The following PRODH2 variants were observed in gnomAD, a reference collection of about 807,000 sequenced individuals.
PRODH2 encodes the protein proline dehydrogenase 2, also known as hydroxyproline dehydrogenase.
In PRODH2, 49 loss-of-function variants were observed where a neutral mutation model predicts 51.9. The ratio of observed to expected loss-of-function variants is 0.94; its 90% confidence interval spans 0.75 to 1.20. The LOEUF is 1.20. PRODH2 is among the 50% of genes most tolerant of loss of function. The pLI is 0.00. For synonymous variants in PRODH2, 249 were observed against 260.7 expected, an observed-to-expected ratio of 0.96 and a Z score of 0.43; for missense variants, 597 against 610.9, an observed-to-expected ratio of 0.98 and a Z score of 0.24.
In PRODH2 at chr19:35,812,364, T is replaced by A. The variant is rs936500292; in HGVS notation, c.367A>T (p.Ser123Cys). The A allele has an allele frequency of 8.1e-6, 13 of 1,612,274 alleles. No homozygotes were observed. Among genetic ancestry groups the A allele is most frequent in the Non-Finnish European group, 1.1e-5 (13 of 1,178,658 alleles). The part of the protein sequence containing the change: ...TEEEPDSAAK[S>C]GEAWYEGNLG... ...GGGCCCTGGCTCCCTACTCACCCAC[T>A]CTTGGCAGCAGAGTCCGGCTCCTCC... Residue 123 changes from serine to cysteine, a missense_variant, in exon 2 of 10, where the codon AGT becomes TGT. Transcript: ENST00000653904.
chr19:35,802,324 G>C, intron 8 of PRODH2, 48 bp from the exon 9 acceptor site: 1 of 1,567,434 alleles, frequency 6.4e-7, no homozygotes, highest in Non-Finnish European at 8.8e-7. Flanking sequence ...TGCATCTACA[G>C]CTTAAAGTCA....
intron 7 of PRODH2, among the ~76,000 whole-genome samples, chr19:35,804,553 A>T (rs910599809): frequency 6.6e-6 from 1 of 152,234 alleles, no homozygotes; most frequent in African/African-American, 2.4e-5. Context: ...CAGGTCACAC[A>T]GCTAGAGGTG....
rs779068611 is a variant in PRODH2 at position 35,806,794 on chromosome 19, C to T, written c.715G>A (p.Ala239Thr). ...GCAGGGTTCAGTGAGGTGTACTCCG[C>T]ATCCACCAGGAGCCGCACGTGCTGG... Reference protein sequence around the residue: ...RAQHVRLLVDAEYTSLNPALS... With the variant: ...RAQHVRLLVDTEYTSLNPALS... Residue 239 changes from alanine to threonine, a missense_variant, in exon 6 of 10, where the codon GCG (alanine) becomes ACG (threonine). By Grantham distance (58) the Ala-to-Thr change is moderately conservative. Transcript: ENST00000653904. 1 of 1,612,122 alleles carries T rather than the reference C, an allele frequency of 6.2e-7. No individual in the cohort carries two copies. The highest frequency in any genetic ancestry group is 8.5e-7 in the Non-Finnish European group (1 of 1,179,272).
Position 35,806,714 on chromosome 19 carries a change from G to A in PRODH2, c.795C>T (p.Gly265=), listed in dbSNP as rs146318335. ...LAVRWNSPGE[G]GPWVWNTYQA... ...GGTAGGTGTTCCACACCCAGGGCCCGCCTTCACCCGGGCTGTTCCAGCGCA... is the reference window on the plus strand; with the variant it reads ...GGTAGGTGTTCCACACCCAGGGCCCACCTTCACCCGGGCTGTTCCAGCGCA... The change falls in exon 6 of 10, where the codon GGC becomes GGT. Residue 265 remains glycine (G), a synonymous_variant. Transcript: ENST00000653904. 417 of 1,614,114 alleles carry A rather than the reference G, an allele frequency of 2.6e-4. 2 individuals are homozygous for A. In the African/African-American group the frequency reaches 4.4e-3, roughly 17 times the overall value.
intron 7 of PRODH2, among the ~76,000 whole-genome samples, chr19:35,805,882 C>A (rs967858348): frequency 3.9e-5 from 6 of 152,070 alleles, no homozygotes; most frequent in Admixed American, 3.9e-4. Flanking sequence ...AGGGATGGGG[C>A]CATGCCACTG....
At chr19:35,807,254 C>A (rs772455705) in intron 4 of PRODH2, 133 bp from the exon 5 acceptor site, 3 of 833,382 alleles carry the variant, frequency 3.6e-6, no homozygotes, top group Middle Eastern at 2.6e-4. Flanking sequence ...GGCTTCACCA[C>A]CTACTGTGTG....
At chr19:35,809,795 C>T (rs1972572078) in intron 4 of PRODH2, among the ~76,000 whole-genome samples, 1 of 145,598 alleles carries the variant, frequency 6.9e-6, no homozygotes, top group South Asian at 2.1e-4. Flanking sequence ...CCCATCTCTA[C>T]TAAAAATACA....
rs371889697 is a variant in PRODH2 at position 35,812,554 on chromosome 19, G to T, written c.177C>A (p.Leu59=). The change falls in exon 2 of 10, where the codon CTC becomes CTA. Residue 59 remains leucine (L), a splice_region_variant and synonymous_variant. Coordinates refer to ENST00000653904, the MANE Select transcript of PRODH2 (RefSeq NM_021232.2). ...WPPLVTHGLL[L]QAWSRRLLGS... ...CCAGGAGTCGCCGAGACCAGGCCTG[G>T]AGCTGGGTGACAGGGAGCGAGGGCT... The T allele has an allele frequency of 1.9e-6, 3 of 1,613,374 alleles. No homozygotes were observed. The highest frequency in any genetic ancestry group is 3.3e-5 in the Admixed American group (2 of 59,966).
In PRODH2 at chr19:35,806,170, T is replaced by C. The variant is rs1167566376; in HGVS notation, c.1001+260A>G. On this transcript the variant is annotated intron_variant, in intron 7 of 9. Coordinates refer to ENST00000653904, the MANE Select transcript of PRODH2 (RefSeq NM_021232.2). Reference sequence around the variant, plus strand: ...GTGCAGTCATGGCTCACTGCAGCCTTGAACTCCTGGCCTCAAGTGATCCTC... The same window carrying C: ...GTGCAGTCATGGCTCACTGCAGCCTCGAACTCCTGGCCTCAAGTGATCCTC... Among the ~76,000 whole-genome samples the C allele has an allele frequency of 7.2e-5, 11 of 152,046 alleles. 1 individual carries two copies. The highest frequency in any genetic ancestry group is 7.2e-4 in the Admixed American group (11 of 15,244).
intron 9 of PRODH2, chr19:35,801,898 G>T (rs888379194): frequency 1.3e-5 from 5 of 376,906 alleles, no homozygotes; most frequent in African/African-American, 2.0e-5. Context: ...AAGTGATTTC[G>T]TTCTGCTTAG....
Position 35,810,468 on chromosome 19 carries a change from G to A in PRODH2, c.597+1494C>T, listed in dbSNP as rs578064216. Among the ~76,000 whole-genome samples the A allele has an allele frequency of 2.1e-3, 317 of 151,718 alleles. 1 individual carries two copies. The highest frequency in any genetic ancestry group is 3.7e-3 in the Non-Finnish European group (251 of 67,948). ...TCAACTATTGGAAACAGTGGGGGCC[G>A]GGCATGGTGGCTCAGCCCATAATCC... On this transcript the variant is annotated intron_variant, in intron 4 of 9. Coordinates refer to ENST00000653904, the MANE Select transcript of PRODH2 (RefSeq NM_021232.2).
Position 35,800,116 on chromosome 19 carries a change from AC to A in PRODH2, c.1304del (p.Gly435ValfsTer?). 1 of 1,610,062 alleles carries A rather than the reference AC, an allele frequency of 6.2e-7. No homozygotes were observed. Among genetic ancestry groups the A allele is most frequent in the South Asian group, 1.1e-5 (1 of 90,196 alleles). On this transcript the variant is annotated frameshift_variant, in exon 10 of 10. Coordinates refer to ENST00000653904, the MANE Select transcript of PRODH2 (RefSeq NM_021232.2). LOFTEE classifies it low-confidence loss of function (END_TRUNC). The stretch of plus-strand genomic sequence containing the variant: ...TGAGCAGCTCCTGTTCCCTGCGGGC[AC>A]CCTGAAGCACGCTCCGGTTCTCCTG... ...RAQENRSVLQ[G>X]ARREQELLSQ...
intron 9 of PRODH2, among the ~76,000 whole-genome samples, chr19:35,801,414 C>T (rs1168228173): frequency 6.6e-6 from 1 of 151,980 alleles, no homozygotes; most frequent in Non-Finnish European, 1.5e-5. Context: ...TGCAGTGAGC[C>T]AAGATGGCAC....
chr19:35,802,726 T>C (rs1972452516), intron 8 of PRODH2, among the ~76,000 whole-genome samples: 1 of 152,046 alleles, frequency 6.6e-6, no homozygotes, highest in Non-Finnish European at 1.5e-5. Context: ...CAGCTGTTTT[T>C]TTTTTTTTAA....
chr19:35,806,316 T>C (rs1972510082), intron 7 of PRODH2, 114 bp downstream of exon 7: 17 of 1,358,504 alleles, frequency 1.3e-5, no homozygotes, highest in Non-Finnish European at 1.0e-6. Context: ...ACTCCTGCTC[T>C]CAAGTGAATC....
rs942516903 is a variant in PRODH2 at position 35,800,112 on chromosome 19, G to A, written c.1309C>T (p.Arg437Cys). 14 of 1,610,618 alleles carry A rather than the reference G, an allele frequency of 8.7e-6. No individual in the cohort carries two copies. The African/African-American group carries it at 1.1e-4, about 12-fold the overall frequency. Residue 437 changes from arginine to cysteine, a missense_variant, in exon 10 of 10, where the codon CGC (arginine) becomes TGC (cysteine). By Grantham distance (180) the Arg-to-Cys change is radical. Transcript: ENST00000653904. ...QENRSVLQGARREQELLSQEL... is the reference protein window; with the variant it reads ...QENRSVLQGACREQELLSQEL... ...TGGCTGAGCAGCTCCTGTTCCCTGC[G>A]GGCACCCTGAAGCACGCTCCGGTTC...
At position 35,812,229 on chromosome 19, in the gene PRODH2, C is replaced by A; in HGVS notation, c.415G>T (p.Val139Leu). 1 of 1,613,900 alleles carries A rather than the reference C, an allele frequency of 6.2e-7. No individual in the cohort carries two copies. The highest frequency in any genetic ancestry group is 8.5e-7 in the Non-Finnish European group (1 of 1,180,012). ...EGNLGAMLRC[V>L]DLSRGLLEPP... ...TCCAGGAGGCCCCGTGACAGGTCCACACACCGCAGCATAGCACCGAGGTTC... is the reference window on the plus strand; with the variant it reads ...TCCAGGAGGCCCCGTGACAGGTCCAAACACCGCAGCATAGCACCGAGGTTC... Residue 139 changes from valine to leucine, a missense_variant, in exon 3 of 10, where the codon GTG (valine) becomes TTG (leucine). Val to Leu is a conservative substitution (Grantham distance 32, BLOSUM62 1). Transcript: ENST00000653904.
chr19:35,802,246 C>G lies in PRODH2; in HGVS notation c.1143G>C (p.Gly381=). ...CCAGAAGTTGTCCGAAACAGACAGTCCCATCCAGAGGAATGCCCAGCTCCC... is the reference window on the plus strand; with the variant it reads ...CCAGAAGTTGTCCGAAACAGACAGTGCCATCCAGAGGAATGCCCAGCTCCC... The part of the protein sequence containing the change: ...RMWELGIPLD[G]TVCFGQLLGM... Residue 381 remains glycine (G), a synonymous_variant, in exon 9 of 10, where the codon GGG becomes GGC. Transcript: ENST00000653904. The G allele has an allele frequency of 6.2e-7, 1 of 1,614,148 alleles. No homozygotes were observed. The highest frequency in any genetic ancestry group is 1.1e-5 in the South Asian group (1 of 91,088).
At chr19:35,810,817 G>C (rs965773130) in intron 4 of PRODH2, among the ~76,000 whole-genome samples, 1 of 152,116 alleles carries the variant, frequency 6.6e-6, no homozygotes, top group Non-Finnish European at 1.5e-5. Flanking sequence ...CACTGCCCCC[G>C]GCCATGTTCT....
Sources: allele counts gnomAD v4.1 joint callset (sites outside exome capture counted in the v4.1 genomes callset), GRCh38; gene constraint gnomAD v4.1.1; transcripts MANE v1.5; gene names NCBI Gene and HGNC (gene_info 2026-07-23, HGNC 2026-07-21).